Variants in FAM153A observed in about 807,000 individuals in gnomAD.
FAM153A encodes protein FAM153A.
FAM153A carries 12 observed loss-of-function variants against 48.1 expected under a neutral mutation model. That is an observed-to-expected ratio of 0.25 (90% CI 0.16 to 0.40). FAM153A has a LOEUF of 0.40. Among genes scored for constraint, FAM153A ranks in the 10% least tolerant of loss-of-function variants. The pLI, the probability that FAM153A is intolerant of heterozygous loss-of-function variation, is 1.00. For missense variants in FAM153A, 111 were observed against 345.8 expected (o/e 0.32, Z 5.38); for synonymous variants, 36 against 118.2 (o/e 0.30, Z 4.51).
chr5:177,705,633 AGAAAACATTTTTC>A, downstream of FAM153A, among the ~76,000 whole-genome samples: 1 of 138,722 alleles, frequency 7.2e-6, no homozygotes, highest in Non-Finnish European at 1.5e-5. Flanking sequence ...ACTGAAAACT[AGAAAACATTTTTC>A]TTTTTCTTTT....
chr5:177,709,311 C>A (rs1561848338), downstream of FAM153A, among the ~76,000 whole-genome samples: 2 of 122,608 alleles, frequency 1.6e-5, no homozygotes, highest in African/African-American at 3.2e-5. Context: ...ATACTATTAA[C>A]TATTTATTGA....
At chr5:177,718,659 A>C (rs558588279), downstream of FAM153A, 181 of 133,798 alleles carry the variant, frequency 1.4e-3, 16 homozygotes, top group African/African-American at 4.5e-3. Context: ...CTAAACAATA[A>C]ATAATTTGTA....
downstream of FAM153A, among the ~76,000 whole-genome samples, chr5:177,709,121 A>G (rs1207714336): frequency 2.8e-5 from 4 of 144,478 alleles, no homozygotes; most frequent in African/African-American, 1.1e-4. Context: ...AAAAAAAAAA[A>G]AAAAAAAAAA....
intron 10 of FAM153A, among the ~76,000 whole-genome samples, chr5:177,737,798 G>A (rs974205124): frequency 6.6e-6 from 1 of 151,856 alleles, no homozygotes; most frequent in South Asian, 2.1e-4. Flanking sequence ...GGAATTACAG[G>A]TGTGAGCCAC....
the FAM153A span, among the ~76,000 whole-genome samples, chr5:177,695,763 G>A: frequency 6.1e-3 from 920 of 151,730 alleles, 24 homozygotes; most frequent in African/African-American, 0.022. Context: ...CTTGATGGTC[G>A]CTGTCTCTTC....
At chr5:177,707,172 G>T (rs1757950346), downstream of FAM153A, among the ~76,000 whole-genome samples, 1 of 151,866 alleles carries the variant, frequency 6.6e-6, no homozygotes, top group Admixed American at 6.6e-5. Context: ...GACTCCAAGA[G>T]AAGTCAAAGG....
the FAM153A span, among the ~76,000 whole-genome samples, chr5:177,701,848 A>AG: frequency 6.6e-6 from 1 of 151,786 alleles, no homozygotes; most frequent in Non-Finnish European, 1.5e-5. Context: ...TGGACAGTGA[A>AG]GGCCAGGCTG....
downstream of FAM153A, among the ~76,000 whole-genome samples, chr5:177,704,757 T>C (rs1360140673): frequency 6.6e-6 from 1 of 151,708 alleles, no homozygotes; most frequent in African/African-American, 2.4e-5. Flanking sequence ...CTGAGCACTT[T>C]GGGAGGCTGA....
At chr5:177,732,847 G>A (rs373400630) in intron 14 of FAM153A, among the ~76,000 whole-genome samples, 2,744 of 148,784 alleles carry the variant, frequency 0.018, 44 homozygotes, top group Middle Eastern at 0.12. Context: ...CCTCAAAGAG[G>A]AGACTTAATT....
Position 177,765,241 on chromosome 5 carries a change from C to T in FAM153A, c.-57+15208G>A, listed in dbSNP as rs1768649378. ...GGCAGCTATGGGCATCTGCACTTGG[C>T]CTAATAAAGACAACAGTGAACATCT... On this transcript the variant is annotated intron_variant, in intron 1 of 8. Transcript: ENST00000393518. 3.0e-5 allele frequency among the ~76,000 whole-genome samples: 3 copies of T among 98,882 alleles called. 1 individual carries two copies. In the South Asian group the frequency reaches 1.1e-3, roughly 35 times the overall value. 64.9% of individuals were successfully genotyped at this position (98,882 alleles called of 152,430 possible).
intron 24 of FAM153A, among the ~76,000 whole-genome samples, chr5:177,716,703 G>A (rs923511411): frequency 1.3e-5 from 2 of 151,672 alleles, no homozygotes; most frequent in African/African-American, 4.9e-5. Flanking sequence ...CAAGTCCTTA[G>A]CCCAAAATTA....
At chr5:177,755,449 G>C (rs956900557), upstream of FAM153A, among the ~76,000 whole-genome samples, 1 of 151,786 alleles carries the variant, frequency 6.6e-6, no homozygotes, top group African/African-American at 2.4e-5. Flanking sequence ...AATCGAGCAA[G>C]GCAGGCCAAC....
At chr5:177,759,878 C>T (rs1345724072) in intron 1 of FAM153A, among the ~76,000 whole-genome samples, 1 of 151,340 alleles carries the variant, frequency 6.6e-6, no homozygotes, top group Non-Finnish European at 1.5e-5. Flanking sequence ...GGGTGCAGCA[C>T]ACCAACATGG....
At chr5:177,707,525 AAAG>A (rs1186684754), downstream of FAM153A, among the ~76,000 whole-genome samples, 1 of 151,962 alleles carries the variant, frequency 6.6e-6, no homozygotes, top group Non-Finnish European at 1.5e-5. Context: ...AGATACAATG[AAAG>A]AAACATTTTC....
rs1318206357 is a variant in FAM153A, at chr5:177,728,652, C to G, written c.964+371G>C. Among the ~76,000 whole-genome samples the G allele has an allele frequency of 1.3e-5, 2 of 150,426 alleles. 1 individual carries two copies. Among genetic ancestry groups the G allele is most frequent in the African/African-American group, 5.0e-5 (2 of 40,132 alleles). On this transcript the variant is annotated intron_variant, in intron 18 of 20. Transcript: ENST00000614127. ...GCACAACCTTGGCTCACCGCAACCT[C>G]TACCACCTGGGTTCAGGTGATTCTC...
intron 1 of FAM153A, among the ~76,000 whole-genome samples, chr5:177,760,234 CCTTTTTTTT>C (rs1190033622): frequency 2.1e-5 from 2 of 96,860 alleles, no homozygotes; most frequent in African/African-American, 4.2e-5. Flanking sequence ...TTGGGAAAGA[CCTTTTTTTT>C]TTTTTTTTTT....
At chr5:177,716,131 G>T (rs562497745) in intron 25 of FAM153A, among the ~76,000 whole-genome samples, 11 of 151,304 alleles carry the variant, frequency 7.3e-5, no homozygotes, top group Non-Finnish European at 1.2e-4. Context: ...CTACAGGCAC[G>T]TGCCACCATG....
chr5:177,730,451 G>A (rs1763600927), intron 16 of FAM153A, among the ~76,000 whole-genome samples: 1 of 120,610 alleles, frequency 8.3e-6, no homozygotes, highest in Admixed American at 8.8e-5. Context: ...TTTTGAACAG[G>A]AGCTGAGGAA....
intron 4 of FAM153A, among the ~76,000 whole-genome samples, chr5:177,745,878 A>G (rs1255672863): frequency 6.6e-6 from 1 of 151,724 alleles, no homozygotes; most frequent in Non-Finnish European, 1.5e-5. Context: ...TGATCACACT[A>G]AAGCCCACTG....
Sources: allele counts gnomAD v4.1 joint callset (sites outside exome capture counted in the v4.1 genomes callset), GRCh38; gene constraint gnomAD v4.1.1; transcripts MANE v1.5; gene names NCBI Gene and HGNC (gene_info 2026-07-23, HGNC 2026-07-21).